USP13: variants seen among roughly 807,000 people sequenced by gnomAD.
USP13 encodes the protein ubiquitin carboxyl-terminal hydrolase 13.
A neutral mutation model predicts 107.8 loss-of-function variants in USP13; 68 were observed. The ratio of observed to expected loss-of-function variants is 0.63; its 90% CI spans 0.52 to 0.77. The LOEUF (loss-of-function observed/expected upper bound fraction) is 0.77. Ranked by LOEUF, USP13 falls within the 30% of genes least tolerant of loss-of-function variation. USP13 has a pLI of 0.00. For synonymous variants in USP13, 377 were observed against 389.5 expected, an observed-to-expected ratio of 0.97 and a Z score of 0.38; for missense variants, 945 against 1,093.3, an observed-to-expected ratio of 0.86 and a Z score of 1.91.
intron 10 of USP13, among the ~76,000 whole-genome samples, chr3:179,739,795 G>C (rs1339550394): frequency 6.6e-6 from 1 of 152,114 alleles, no homozygotes; most frequent in Non-Finnish European, 1.5e-5. Context: ...CTGACCTCAG[G>C]TGATCCACCT....
chr3:179,735,674 T>TGTA (rs1342759740), intron 10 of USP13, among the ~76,000 whole-genome samples: 3 of 152,154 alleles, frequency 2.0e-5, no homozygotes, highest in Admixed American at 6.5e-5. Flanking sequence ...CACCTATAGA[T>TGTA]GTAGTTATGC....
intron 2 of USP13, 59 bp from the exon 3 acceptor site, chr3:179,690,182 C>T: frequency 1.3e-6 from 2 of 1,519,330 alleles, no homozygotes; most frequent in Non-Finnish European, 1.8e-6. Context: ...TGTGCTTTTC[C>T]CTCACAAAGA....
intron 20 of USP13, among the ~76,000 whole-genome samples, chr3:179,783,498 T>TA (rs1715817041): frequency 6.6e-6 from 1 of 152,254 alleles, no homozygotes; most frequent in Non-Finnish European, 1.5e-5. Flanking sequence ...AATAGTTCTA[T>TA]AATAGTTCAC....
intron 15 of USP13, among the ~76,000 whole-genome samples, chr3:179,755,450 A>G (rs1000083561): frequency 6.6e-6 from 1 of 151,756 alleles, no homozygotes; most frequent in Non-Finnish European, 1.5e-5. Flanking sequence ...GCGTGCCACC[A>G]TGCCTGCTTA....
At chr3:179,730,779 A>T in intron 10 of USP13, 70 bp downstream of exon 10, 3 of 1,427,502 alleles carry the variant, frequency 2.1e-6, no homozygotes, top group Admixed American at 1.7e-5. Flanking sequence ...GTTTCCTATG[A>T]TTTGGCACAT....
At chr3:179,730,575 C>T in intron 9 of USP13, 41 bp from the exon 10 acceptor site, 1 of 1,537,516 alleles carries the variant, frequency 6.5e-7, no homozygotes, top group South Asian at 1.2e-5. Context: ...TATGGAAAAA[C>T]AACAATGACC....
chr3:179,712,770 AC>A (rs1392511588), intron 6 of USP13, among the ~76,000 whole-genome samples: 3 of 152,130 alleles, frequency 2.0e-5, no homozygotes, highest in African/African-American at 7.2e-5. Context: ...ATTTTCAGTT[AC>A]CAAGATTCTC....
At chr3:179,763,107 A>G (rs1213854457) in intron 17 of USP13, among the ~76,000 whole-genome samples, 1 of 152,208 alleles carries the variant, frequency 6.6e-6, no homozygotes, top group East Asian at 1.9e-4. Flanking sequence ...AGAGTTCTTT[A>G]CAAATTCCAG....
intron 9 of USP13, 84 bp from the exon 10 acceptor site, chr3:179,730,532 C>A: frequency 8.6e-7 from 1 of 1,157,570 alleles, no homozygotes; most frequent in South Asian, 1.4e-5. Context: ...AGCAGTTGTA[C>A]TTATTGATAT....
At chr3:179,687,907 T>C (rs1329898378) in intron 2 of USP13, among the ~76,000 whole-genome samples, 1 of 152,076 alleles carries the variant, frequency 6.6e-6, no homozygotes, top group Non-Finnish European at 1.5e-5. Context: ...CTGCAGCCTT[T>C]CTAACCCTCA....
chr3:179,731,237 C>G (rs547479462), intron 10 of USP13, among the ~76,000 whole-genome samples: 3 of 152,228 alleles, frequency 2.0e-5, no homozygotes, highest in South Asian at 4.1e-4. Context: ...ATGGTGAAAC[C>G]CTGTCTCTAC....
In USP13 at chr3:179,784,280, A is replaced by G; in HGVS notation, c.*139A>G. 1 of 618,316 alleles carries G rather than the reference A, an allele frequency of 1.6e-6. No individual in the cohort carries two copies. Among genetic ancestry groups the G allele is most frequent in the Non-Finnish European group, 2.8e-6 (1 of 356,466 alleles). The allele number at this position is 618,316 out of a possible 1,614,324, so 38.3% of individuals were successfully genotyped here. ...TATCGTTTATTTAAAGAGCACGATC[A>G]GTTGACACCTTCTGAAATAGAACTG... On this transcript the variant is annotated 3_prime_UTR_variant, in exon 21 of 21. Coordinates refer to ENST00000263966, the MANE Select transcript of USP13 (RefSeq NM_003940.3).
intron 20 of USP13, among the ~76,000 whole-genome samples, chr3:179,783,383 T>C (rs1715814333): frequency 6.6e-6 from 1 of 152,182 alleles, no homozygotes; most frequent in African/African-American, 2.4e-5. Flanking sequence ...ACTAAAAGCT[T>C]AAAGTATGTG....
At chr3:179,705,509 A>G (rs1020300761) in intron 4 of USP13, among the ~76,000 whole-genome samples, 15 of 152,294 alleles carry the variant, frequency 9.8e-5, no homozygotes, top group East Asian at 1.9e-4. Flanking sequence ...GACCTTTCAT[A>G]TAAATGGAAT....
intron 3 of USP13, among the ~76,000 whole-genome samples, chr3:179,699,196 A>T (rs1338366001): frequency 6.6e-6 from 1 of 152,180 alleles, no homozygotes; most frequent in East Asian, 1.9e-4. Context: ...TTAAACATTT[A>T]GATTCCAACT....
chr3:179,676,889 C>T (rs113954360), intron 1 of USP13, among the ~76,000 whole-genome samples: 3 of 152,150 alleles, frequency 2.0e-5, no homozygotes, highest in Admixed American at 6.5e-5. Flanking sequence ...TTTTTTTCCT[C>T]GCTCTATTGC....
At chr3:179,700,459 A>G (rs1444622463) in intron 3 of USP13, among the ~76,000 whole-genome samples, 1 of 152,232 alleles carries the variant, frequency 6.6e-6, no homozygotes, top group African/African-American at 2.4e-5. Context: ...TCTTCATGCT[A>G]TAAATGAGAA....
At chr3:179,732,363 C>T (rs553555585) in intron 10 of USP13, among the ~76,000 whole-genome samples, 4 of 152,302 alleles carry the variant, frequency 2.6e-5, no homozygotes, top group South Asian at 2.1e-4. Context: ...ATTGGTTCTG[C>T]GTTCTCAAAC....
chr3:179,740,031 AG>A (rs1466674656), intron 10 of USP13, among the ~76,000 whole-genome samples: 2 of 152,158 alleles, frequency 1.3e-5, no homozygotes, highest in Non-Finnish European at 2.9e-5. Flanking sequence ...GTAAACAGGA[AG>A]AGTCTCATCC....
Sources: gnomAD v4.1 joint callset for allele counts (sites outside exome capture counted in the v4.1 genomes callset) on GRCh38, gnomAD v4.1.1 for gene constraint, MANE v1.5 for transcripts, NCBI Gene and HGNC (gene_info 2026-07-23, HGNC 2026-07-21) for gene names.